CDH18: variants seen among roughly 807,000 people sequenced by gnomAD.
CDH18 encodes cadherin-18.
A neutral mutation model predicts 67.9 loss-of-function variants in CDH18; 31 were observed. The ratio of observed to expected loss-of-function variants is 0.46; its 90% CI spans 0.34 to 0.62. CDH18 has a LOEUF of 0.62. CDH18 is among the 20% of genes least tolerant of loss of function. The pLI is 0.01. For missense variants in CDH18, 890 were observed against 975.5 expected (o/e 0.91, Z 1.17); for synonymous variants, 362 against 347.2 (o/e 1.04, Z -0.48).
At chr5:20,008,094 T>G (rs1737070691) in intron 2 of CDH18, among the ~76,000 whole-genome samples, 1 of 152,136 alleles carries the variant, frequency 6.6e-6, no homozygotes, top group Admixed American at 6.6e-5. Flanking sequence ...CGATCAATTT[T>G]TGTTCATAAA....
At chr5:20,264,719 C>T (rs531370724) in intron 1 of CDH18, among the ~76,000 whole-genome samples, 1 of 152,156 alleles carries the variant, frequency 6.6e-6, no homozygotes, top group East Asian at 1.9e-4. Context: ...TAAAAAGTCA[C>T]ACATAATAAA....
rs562886517 is a variant in CDH18 at position 20,514,501 on chromosome 5, G to A, written c.-580+60961C>T. Among the ~76,000 whole-genome samples the A allele has an allele frequency of 2.6e-5, 4 of 152,216 alleles. No individual in the cohort carries two copies. The East Asian group carries it at 5.8e-4, about 22-fold the overall frequency. On this transcript the variant is annotated intron_variant, in intron 1 of 14. Coordinates refer to the CDH18 transcript ENST00000507958. ...CAGTATGTGGAAGTTTAGAGAGAGG[G>A]AGTTCAGACTTTTGTTTTGATGATC...
chr5:20,356,046 C>A (rs368636447), intron 1 of CDH18, among the ~76,000 whole-genome samples: 1 of 152,086 alleles, frequency 6.6e-6, no homozygotes, highest in Admixed American at 6.6e-5. Flanking sequence ...CATTTATTTT[C>A]GATCAAAGCA....
intron 5 of CDH18, among the ~76,000 whole-genome samples, chr5:19,647,682 A>T (rs1754977764): frequency 6.6e-6 from 1 of 152,070 alleles, no homozygotes; most frequent in African/African-American, 2.4e-5. Context: ...ATCCAGTAGA[A>T]TCAGAGGGTC....
chr5:19,927,571 A>G (rs1793229892), intron 2 of CDH18, among the ~76,000 whole-genome samples: 1 of 152,160 alleles, frequency 6.6e-6, no homozygotes, highest in African/African-American at 2.4e-5. Flanking sequence ...TTCTGAAATA[A>G]AGTATGAAAG....
At chr5:19,779,459 T>A (rs990623706) in intron 3 of CDH18, among the ~76,000 whole-genome samples, 1 of 152,162 alleles carries the variant, frequency 6.6e-6, no homozygotes, top group Non-Finnish European at 1.5e-5. Flanking sequence ...CTTTCTCTCA[T>A]TAGAGAGCAG....
intron 2 of CDH18, among the ~76,000 whole-genome samples, chr5:20,220,142 T>C (rs1382828305): frequency 1.3e-5 from 2 of 151,892 alleles, no homozygotes; most frequent in Non-Finnish European, 2.9e-5. Flanking sequence ...CTATATGGTA[T>C]AATAAATGTC....
At chr5:20,220,964 A>G (rs1430482334) in intron 2 of CDH18, among the ~76,000 whole-genome samples, 1 of 152,080 alleles carries the variant, frequency 6.6e-6, no homozygotes, top group Non-Finnish European at 1.5e-5. Context: ...CAAGAGACAA[A>G]CAAAGACAAA....
At chr5:20,107,418 C>A (rs13170493) in intron 2 of CDH18, among the ~76,000 whole-genome samples, 1 of 151,964 alleles carries the variant, frequency 6.6e-6, no homozygotes, top group African/African-American at 2.4e-5. Flanking sequence ...TCTTAAACAA[C>A]CAGCTTGTCC....
chr5:19,693,175 T>C (rs1762120691), intron 5 of CDH18, among the ~76,000 whole-genome samples: 1 of 152,044 alleles, frequency 6.6e-6, no homozygotes, highest in African/African-American at 2.4e-5. Context: ...TGCTCACTTA[T>C]ATGTGGGATC....
At chr5:19,797,626 C>T (rs1268511800) in intron 3 of CDH18, among the ~76,000 whole-genome samples, 2 of 151,898 alleles carry the variant, frequency 1.3e-5, no homozygotes, top group South Asian at 2.1e-4. Context: ...AAAACATGCA[C>T]ATAATGTTTT....
At chr5:19,833,932 T>C (rs539975544) in intron 3 of CDH18, among the ~76,000 whole-genome samples, 1 of 152,160 alleles carries the variant, frequency 6.6e-6, no homozygotes, top group South Asian at 2.1e-4. Flanking sequence ...AGTATTTTAC[T>C]GAGGATTTTC....
intron 1 of CDH18, among the ~76,000 whole-genome samples, chr5:20,491,652 G>A (rs1561059552): frequency 6.6e-6 from 1 of 152,176 alleles, no homozygotes; most frequent in Non-Finnish European, 1.5e-5. Flanking sequence ...CTTGCTCAAG[G>A]AGATCAGGAT....
intron 1 of CDH18, among the ~76,000 whole-genome samples, chr5:20,266,420 T>C (rs1472425248): frequency 1.3e-5 from 2 of 152,070 alleles, no homozygotes; most frequent in African/African-American, 4.8e-5. Flanking sequence ...GTTTGTTTGT[T>C]TGAGACAGGG....
chr5:20,486,731 G>T (rs999751370), intron 1 of CDH18, among the ~76,000 whole-genome samples: 1 of 151,012 alleles, frequency 6.6e-6, no homozygotes, highest in Non-Finnish European at 1.5e-5. Flanking sequence ...GTGTGTGTGT[G>T]TTGTGTGTAC....
At chr5:19,595,253 TAA>T (rs1745982452) in intron 6 of CDH18, among the ~76,000 whole-genome samples, 2 of 152,140 alleles carry the variant, frequency 1.3e-5, no homozygotes, top group Admixed American at 6.5e-5. Context: ...CTGAAAATTA[TAA>T]AACATGGATG....
chr5:19,690,850 T>C (rs1761768053), intron 5 of CDH18, among the ~76,000 whole-genome samples: 1 of 151,810 alleles, frequency 6.6e-6, no homozygotes, highest in African/African-American at 2.4e-5. Context: ...CTACCACATG[T>C]ATAAAACAAC....
chr5:19,575,643 T>C (rs918512723), intron 7 of CDH18, among the ~76,000 whole-genome samples: 2 of 152,194 alleles, frequency 1.3e-5, no homozygotes, highest in African/African-American at 2.4e-5. Context: ...TGCTTAATAT[T>C]TGTATTGGCT....
chr5:20,171,186 CAT>C (rs1736682632), intron 2 of CDH18, among the ~76,000 whole-genome samples: 1 of 152,014 alleles, frequency 6.6e-6, no homozygotes, highest in South Asian at 2.1e-4. Flanking sequence ...CATATTCATA[CAT>C]ATGTCTTTGT....
Sources: allele counts gnomAD v4.1 joint callset (sites outside exome capture counted in the v4.1 genomes callset), GRCh38; gene constraint gnomAD v4.1.1; transcripts MANE v1.5; gene names NCBI Gene and HGNC (gene_info 2026-07-23, HGNC 2026-07-21).